ABCB7: variants seen among roughly 807,000 people sequenced by gnomAD.
ABCB7 encodes the protein ATP binding cassette subfamily B member 7, also known as iron-sulfur clusters transporter ABCB7, mitochondrial.
Under a neutral mutation model 54.4 loss-of-function variants are expected in ABCB7, and 7 were observed. The observed-to-expected ratio is 0.13, with a 90% confidence interval of 0.07 to 0.24. ABCB7 has a LOEUF of 0.24. ABCB7 is among the 10% of genes least tolerant of loss of function. ABCB7 has a pLI of 1.00. For synonymous variants in ABCB7, 218 were observed against 207.1 expected (o/e 1.05, Z -0.45); for missense variants, 356 against 570.4 (o/e 0.62, Z 3.83).
intron 1 of ABCB7, among the ~76,000 whole-genome samples, chrX:75,132,367 C>A (rs768007483): frequency 4.0e-4 from 45 of 113,325 alleles, no homozygotes; most frequent in African/African-American, 1.3e-3. Flanking sequence ...CACAGCCACT[C>A]CACATTAGGC....
intron 1 of ABCB7, among the ~76,000 whole-genome samples, chrX:75,121,456 T>C (rs1569240367): frequency 8.9e-6 from 1 of 111,952 alleles, no homozygotes; most frequent in Non-Finnish European, 1.9e-5. Flanking sequence ...TATGGTATAC[T>C]TGTTGTTATA....
intron 9 of ABCB7, 74 bp downstream of exon 9, chrX:75,071,435 T>C: frequency 6.4e-6 from 7 of 1,090,440 alleles, no homozygotes; most frequent in Non-Finnish European, 8.9e-6. Flanking sequence ...AAGATAAGCA[T>C]GCACATTCCT....
At chrX:75,068,307 A>C (rs1378543470) in intron 12 of ABCB7, among the ~76,000 whole-genome samples, 2 of 111,768 alleles carry the variant, frequency 1.8e-5, no homozygotes, top group Non-Finnish European at 3.8e-5. Flanking sequence ...TTTATAATAC[A>C]TACTAGCTGC....
chrX:75,078,495 G>A (rs2081429693), intron 4 of ABCB7, among the ~76,000 whole-genome samples: 1 of 111,638 alleles, frequency 9.0e-6, no homozygotes, highest in South Asian at 3.8e-4. Flanking sequence ...TGGGATTTTA[G>A]TGTATCTATC....
intron 1 of ABCB7, among the ~76,000 whole-genome samples, chrX:75,115,266 C>CAAAAAAAAAAAAAAAAAAAA (rs1160024642): frequency 3.8e-4 from 5 of 13,253 alleles, no homozygotes; most frequent in African/African-American, 6.5e-4. Flanking sequence ...GACTCTGTCT[C>CAAAAAAAAAAAAAAAAAAAA]AAAAAAAAAA....
intron 6 of ABCB7, among the ~76,000 whole-genome samples, chrX:75,074,391 T>C (rs948414990): frequency 8.9e-6 from 1 of 111,887 alleles, no homozygotes; most frequent in Non-Finnish European, 1.9e-5. Context: ...GGAACACTTA[T>C]ACACTGCTGG....
At chrX:75,099,508 T>C (rs1191182360) in intron 3 of ABCB7, among the ~76,000 whole-genome samples, 3 of 111,565 alleles carry the variant, frequency 2.7e-5, no homozygotes, top group Non-Finnish European at 5.7e-5. Flanking sequence ...TAGAGCTGAG[T>C]TGCAATACTC....
chrX:75,122,861 G>GGTGTGTGTGTGTGT (rs58879235), intron 1 of ABCB7, among the ~76,000 whole-genome samples: 2,335 of 93,087 alleles, frequency 0.025, 75 homozygotes, highest in East Asian at 0.1. Context: ...TTAAAATTGG[G>GGTGTGTGTGTGTGT]GTGTGTGTGT....
intron 13 of ABCB7, among the ~76,000 whole-genome samples, chrX:75,063,504 AG>A (rs2081295877): frequency 1.8e-5 from 2 of 110,941 alleles, no homozygotes; most frequent in African/African-American, 6.6e-5. Context: ...AATATTAGTA[AG>A]TTTATATTTA....
chrX:75,124,450 AAGAAAATTGCAC>A (rs745353460), intron 1 of ABCB7, among the ~76,000 whole-genome samples: 25 of 112,158 alleles, frequency 2.2e-4, no homozygotes, highest in Admixed American at 7.6e-4. Context: ...TTTTGTCATC[AAGAAAATTGCAC>A]ACTGCTTCAT....
intron 1 of ABCB7, among the ~76,000 whole-genome samples, chrX:75,125,617 T>C (rs1312260816): frequency 3.6e-5 from 4 of 111,032 alleles, no homozygotes; most frequent in Non-Finnish European, 7.6e-5. Flanking sequence ...TGATTTCTTT[T>C]TGTTCTGCCT....
intron 1 of ABCB7, among the ~76,000 whole-genome samples, chrX:75,152,339 G>A (rs1190596107): frequency 2.7e-5 from 3 of 111,356 alleles, no homozygotes; most frequent in African/African-American, 9.8e-5. Flanking sequence ...AGGGGCCAAA[G>A]AGCTGCCTTG....
At chrX:75,096,192 G>A (rs7876297) in intron 4 of ABCB7, among the ~76,000 whole-genome samples, 2,079 of 112,050 alleles carry the variant, frequency 0.019, 66 homozygotes, top group African/African-American at 0.064. Context: ...AAAAATGCAC[G>A]AGGGTTAAAA....
intron 3 of ABCB7, among the ~76,000 whole-genome samples, chrX:75,111,585 T>TA (rs1345767496): frequency 9.0e-6 from 1 of 111,469 alleles, no homozygotes; most frequent in Non-Finnish European, 1.9e-5. Flanking sequence ...CTCAAGCTCT[T>TA]AACTACAACT....
Position 75,131,867 on chromosome X carries a change from T to A in ABCB7, c.169-17036A>T, listed in dbSNP as rs181842806. ...TCTCTCTGAGGAAGAAATCCCAGAG[T>A]CAACCCATATCCCTTCTGCCATTAC... is the stretch of plus-strand genomic sequence containing the variant. On this transcript the variant is annotated intron_variant, in intron 1 of 15. Coordinates refer to ENST00000373394, the MANE Select transcript of ABCB7 (RefSeq NM_001271696.3). 3.8e-3 allele frequency among the ~76,000 whole-genome samples: 416 copies of A among 110,689 alleles called. 3 individuals are homozygous for A. Among genetic ancestry groups the A allele is most frequent in the African/African-American group, 0.013 (395 of 30,496 alleles).
chrX:75,155,445 C>A (rs887229566), intron 1 of ABCB7, among the ~76,000 whole-genome samples: 1 of 112,312 alleles, frequency 8.9e-6, no homozygotes, highest in Non-Finnish European at 1.9e-5. Context: ...TTTTAGGAGG[C>A]ACTACAACCA....
At chrX:75,079,310 G>A (rs1458216795) in intron 4 of ABCB7, among the ~76,000 whole-genome samples, 2 of 111,150 alleles carry the variant, frequency 1.8e-5, no homozygotes, top group Non-Finnish European at 3.8e-5. Flanking sequence ...TGTTAAAAAC[G>A]AAAGAAATAC....
At chrX:75,112,750 G>T (rs897273884) in intron 3 of ABCB7, 136 bp downstream of exon 3, 154 of 385,291 alleles carry the variant, frequency 4.0e-4, no homozygotes, top group African/African-American at 8.3e-4. Flanking sequence ...CAATTAATAT[G>T]TTTTTTTTTT....
intron 4 of ABCB7, among the ~76,000 whole-genome samples, chrX:75,084,166 A>G (rs2081477863): frequency 8.9e-6 from 1 of 111,780 alleles, no homozygotes; most frequent in South Asian, 3.7e-4. Context: ...ATTTTCCTCA[A>G]GAGTTTCTGG....
Sources: gnomAD v4.1 joint callset for allele counts (sites outside exome capture counted in the v4.1 genomes callset) on GRCh38, gnomAD v4.1.1 for gene constraint, MANE v1.5 for transcripts, NCBI Gene and HGNC (gene_info 2026-07-23, HGNC 2026-07-21) for gene names.